The following EXOC6B variants were observed in gnomAD, a reference collection of about 807,000 sequenced individuals.
EXOC6B encodes SEC15 homolog B.
A neutral mutation model predicts 113.5 loss-of-function variants in EXOC6B; 54 were observed. That is an observed-to-expected ratio of 0.48 (90% CI 0.38 to 0.60). The LOEUF is 0.60. Ranked by LOEUF, EXOC6B falls within the 20% of genes least tolerant of loss-of-function variation. The pLI, the probability that EXOC6B is intolerant of heterozygous loss-of-function variation, is 0.00. For synonymous variants in EXOC6B, 357 were observed against 339.0 expected, an observed-to-expected ratio of 1.05 and a Z score of -0.58; for missense variants, 797 against 977.5, an observed-to-expected ratio of 0.82 and a Z score of 2.46.
chr2:72,712,102 T>TCC (rs900398267), intron 6 of EXOC6B, among the ~76,000 whole-genome samples: 5 of 152,180 alleles, frequency 3.3e-5, no homozygotes, highest in African/African-American at 1.2e-4. Flanking sequence ...TTCTGCAGCT[T>TCC]CCCAGGTATA....
At chr2:72,652,603 TA>T (rs1674264797) in intron 6 of EXOC6B, among the ~76,000 whole-genome samples, 2 of 151,112 alleles carry the variant, frequency 1.3e-5, no homozygotes, top group South Asian at 2.1e-4. Context: ...TGAGGCTACT[TA>T]AAGACTAGTC....
chr2:72,501,911 C>T (rs934786791), intron 11 of EXOC6B, among the ~76,000 whole-genome samples: 1 of 151,864 alleles, frequency 6.6e-6, no homozygotes, highest in Non-Finnish European at 1.5e-5. Flanking sequence ...TAGGCACAAG[C>T]CACCACACCT....
intron 8 of EXOC6B, among the ~76,000 whole-genome samples, chr2:72,524,558 TTAAAA>T (rs1287960536): frequency 6.6e-6 from 1 of 152,028 alleles, no homozygotes; most frequent in Non-Finnish European, 1.5e-5. Context: ...ACCCCAGACC[TTAAAA>T]TAAAAGTTTA....
chr2:72,312,727 CCT>C, intron 20 of EXOC6B, among the ~76,000 whole-genome samples: 1 of 151,022 alleles, frequency 6.6e-6, no homozygotes, highest in East Asian at 2.0e-4. Context: ...TGCACTCCAG[CCT>C]GGGCAACAAG....
At chr2:72,184,210 C>T (rs756458105) in intron 20 of EXOC6B, 23 bp from the exon 21 acceptor site, 2 of 1,324,558 alleles carry the variant, frequency 1.5e-6, no homozygotes, top group South Asian at 2.5e-5. Flanking sequence ...CAAACCCCAC[C>T]CCAGGGATTA....
chr2:72,559,443 A>G lies in EXOC6B; in HGVS notation c.915+10T>C. ...ACATCTTTATTAGGCAGAGCCAGATAAAGACTCACCAGGACAGAATATATA... is the reference window on the plus strand; with the variant it reads ...ACATCTTTATTAGGCAGAGCCAGATGAAGACTCACCAGGACAGAATATATA... On this transcript the variant is annotated intron_variant, in intron 8 of 21. Transcript: ENST00000272427. 1 of 1,563,248 alleles carries G rather than the reference A, an allele frequency of 6.4e-7. No individual in the cohort carries two copies. Among genetic ancestry groups the G allele is most frequent in the Non-Finnish European group, 8.6e-7 (1 of 1,157,154 alleles).
intron 6 of EXOC6B, among the ~76,000 whole-genome samples, chr2:72,624,794 ACCACTAG>A (rs1671951169): frequency 6.6e-6 from 1 of 152,106 alleles, no homozygotes; most frequent in South Asian, 2.1e-4. Context: ...TATAGTACCT[ACCACTAG>A]CCAGGTACCA....
chr2:72,505,600 T>C (rs1700555667), intron 11 of EXOC6B, among the ~76,000 whole-genome samples: 1 of 152,172 alleles, frequency 6.6e-6, no homozygotes, highest in African/African-American at 2.4e-5. Flanking sequence ...GAAATTTTGA[T>C]TGACACTAAA....
intron 3 of EXOC6B, among the ~76,000 whole-genome samples, chr2:72,732,348 G>C (rs1011275348): frequency 6.6e-6 from 1 of 152,086 alleles, no homozygotes; most frequent in Non-Finnish European, 1.5e-5. Flanking sequence ...GGCAGGTAGA[G>C]ATGGGGTCTC....
intron 2 of EXOC6B, among the ~76,000 whole-genome samples, chr2:72,734,276 C>A (rs1341469490): frequency 1.3e-5 from 2 of 152,166 alleles, no homozygotes; most frequent in African/African-American, 4.8e-5. Context: ...CTCCAGGAAG[C>A]CTCTTTAAAG....
At chr2:72,498,848 A>G (rs1006486983) in intron 12 of EXOC6B, among the ~76,000 whole-genome samples, 2 of 152,146 alleles carry the variant, frequency 1.3e-5, no homozygotes, top group African/African-American at 4.8e-5. Context: ...CCCTTCCTAT[A>G]AGTCCTACTA....
At chr2:72,407,236 C>CA (rs1418429408) in intron 18 of EXOC6B, among the ~76,000 whole-genome samples, 1 of 151,914 alleles carries the variant, frequency 6.6e-6, no homozygotes, top group Non-Finnish European at 1.5e-5. Context: ...GCTTACCAGC[C>CA]AAAAAAAGTC....
rs1226947808 is a variant in EXOC6B at position 72,176,595 on chromosome 2, CAGG to C, written c.*2737_*2739del. ...GATCTCACTTCCTGGTTCCCATTTT[CAGG>C]TCCTGTTCTTCCCTACCTGCAACAG... On this transcript the variant is annotated 3_prime_UTR_variant, in exon 22 of 22. Coordinates refer to ENST00000272427, the MANE Select transcript of EXOC6B (RefSeq NM_015189.3). 6.6e-6 allele frequency: 1 copy of C among 152,246 alleles called. No individual in the cohort carries two copies. Among genetic ancestry groups the C allele is most frequent in the Non-Finnish European group, 1.5e-5 (1 of 68,056 alleles). 9.4% of individuals were successfully genotyped at this position (152,246 alleles called of 1,614,324 possible). A position where few individuals can be genotyped will look rare whatever the true frequency, so the allele number is the denominator to read the frequency against.
intron 7 of EXOC6B, among the ~76,000 whole-genome samples, chr2:72,573,787 G>A (rs1260510381): frequency 6.6e-6 from 1 of 152,090 alleles, no homozygotes; most frequent in Non-Finnish European, 1.5e-5. Flanking sequence ...TAGCAGAAGT[G>A]TGTCCCCTCA....
At chr2:72,534,682 AC>A (rs1228652290) in intron 8 of EXOC6B, among the ~76,000 whole-genome samples, 1 of 152,180 alleles carries the variant, frequency 6.6e-6, no homozygotes, top group Non-Finnish European at 1.5e-5. Context: ...TTTATAAAAA[AC>A]AATCTAATTA....
chr2:72,322,807 A>G, intron 20 of EXOC6B, among the ~76,000 whole-genome samples: 1 of 152,122 alleles, frequency 6.6e-6, no homozygotes. Context: ...CTGAAACTGG[A>G]CCCCTTCCTT....
chr2:72,307,484 A>G (rs911106844), intron 20 of EXOC6B, among the ~76,000 whole-genome samples: 4 of 152,084 alleles, frequency 2.6e-5, no homozygotes, highest in African/African-American at 4.8e-5. Context: ...CTGGCCACGC[A>G]TGCCCTTTCC....
chr2:72,279,277 A>G (rs1684983824), intron 20 of EXOC6B, among the ~76,000 whole-genome samples: 1 of 152,184 alleles, frequency 6.6e-6, no homozygotes, highest in South Asian at 2.1e-4. Context: ...ACTATATTCC[A>G]GTGCTAAGAT....
At chr2:72,479,353 C>T (rs1698938717) in intron 17 of EXOC6B, among the ~76,000 whole-genome samples, 1 of 151,978 alleles carries the variant, frequency 6.6e-6, no homozygotes, top group African/African-American at 2.4e-5. Context: ...TTTTATCTGT[C>T]ATAAAGTATA....
Sources: allele counts gnomAD v4.1 joint callset (sites outside exome capture counted in the v4.1 genomes callset), GRCh38; gene constraint gnomAD v4.1.1; transcripts MANE v1.5; gene names NCBI Gene and HGNC (gene_info 2026-07-23, HGNC 2026-07-21).